Variants in GALNT14 observed in about 807,000 individuals in gnomAD.
GALNT14 encodes UDP-GalNAc:polypeptide N-acetylgalactosaminyltransferase 14.
Under a neutral mutation model 77.5 loss-of-function variants are expected in GALNT14, and 60 were observed. The observed-to-expected ratio is 0.77, with a 90% CI of 0.63 to 0.96. The LOEUF (loss-of-function observed/expected upper bound fraction) is 0.96. GALNT14 is among the 40% of genes least tolerant of loss of function. The pLI is 0.00. For missense variants in GALNT14, 710 were observed against 731.0 expected (o/e 0.97, Z 0.33); for synonymous variants, 280 against 281.7 (o/e 0.99, Z 0.06).
chr2:30,988,476 G>C (rs906731061), intron 2 of GALNT14, among the ~76,000 whole-genome samples: 6 of 152,214 alleles, frequency 3.9e-5, no homozygotes, highest in African/African-American at 1.4e-4. Flanking sequence ...GAAGAACTGG[G>C]AAAGGAGGGA....
chr2:31,038,883 C>A (rs1450788662), intron 1 of GALNT14, among the ~76,000 whole-genome samples: 1 of 151,870 alleles, frequency 6.6e-6, no homozygotes, highest in Non-Finnish European at 1.5e-5. Flanking sequence ...GTGACTGGGA[C>A]TACAGATGTG....
chr2:30,945,957 C>T, intron 6 of GALNT14, 87 bp from the exon 7 acceptor site: 3 of 1,077,866 alleles, frequency 2.8e-6, no homozygotes, highest in East Asian at 2.4e-5. Flanking sequence ...GAGGGTAGGG[C>T]CAGAGATGAG....
chr2:31,081,115 T>G (rs1382957734), intron 1 of GALNT14, among the ~76,000 whole-genome samples: 1 of 152,198 alleles, frequency 6.6e-6, no homozygotes, highest in African/African-American at 2.4e-5. Context: ...TCAAATGCAT[T>G]GTTGCTGTGA....
At chr2:31,037,260 G>A (rs1418074412) in intron 1 of GALNT14, among the ~76,000 whole-genome samples, 3 of 152,136 alleles carry the variant, frequency 2.0e-5, no homozygotes, top group African/African-American at 7.2e-5. Flanking sequence ...TAAATCTGCT[G>A]TTGAGTCCCT....
intron 1 of GALNT14, among the ~76,000 whole-genome samples, chr2:31,106,678 T>G (rs955647616): frequency 6.6e-6 from 1 of 152,244 alleles, no homozygotes; most frequent in Non-Finnish European, 1.5e-5. Context: ...CACTGTGAAA[T>G]ACTTGATTAG....
chr2:31,088,519 A>G (rs1310905452), intron 1 of GALNT14, among the ~76,000 whole-genome samples: 1 of 152,090 alleles, frequency 6.6e-6, no homozygotes, highest in Non-Finnish European at 1.5e-5. Context: ...AAGGAGAATG[A>G]GCGATGTGTG....
intron 1 of GALNT14, among the ~76,000 whole-genome samples, chr2:31,093,351 G>T (rs1294066900): frequency 6.6e-6 from 1 of 152,166 alleles, no homozygotes; most frequent in Non-Finnish European, 1.5e-5. Context: ...GTCTCATTTT[G>T]CAGAAGCTAG....
chr2:30,932,318 T>C (rs1311845422), intron 9 of GALNT14, 124 bp from the exon 10 acceptor site: 3 of 881,460 alleles, frequency 3.4e-6, no homozygotes, highest in South Asian at 3.1e-5. Flanking sequence ...AGCCAGTCTG[T>C]AGGCTCCACT....
chr2:30,979,167 A>G (rs1668829708), intron 2 of GALNT14, among the ~76,000 whole-genome samples: 1 of 152,224 alleles, frequency 6.6e-6, no homozygotes, highest in Non-Finnish European at 1.5e-5. Context: ...AGAAAGCCAG[A>G]GTCAATGAGG....
chr2:30,905,530 G>A (rs551973143), downstream of GALNT14, among the ~76,000 whole-genome samples: 1 of 152,172 alleles, frequency 6.6e-6, no homozygotes, highest in East Asian at 1.9e-4. Flanking sequence ...AAAAAGAAAT[G>A]AGCAAAGCCT....
At chr2:30,929,005 C>A (rs1474420338) in intron 11 of GALNT14, among the ~76,000 whole-genome samples, 1 of 152,216 alleles carries the variant, frequency 6.6e-6, no homozygotes, top group Non-Finnish European at 1.5e-5. Context: ...TATACACATG[C>A]TGTTCCTCCA....
At chr2:30,938,156 CCT>C (rs944424309) in intron 9 of GALNT14, among the ~76,000 whole-genome samples, 5 of 151,752 alleles carry the variant, frequency 3.3e-5, no homozygotes, top group African/African-American at 7.3e-5. Flanking sequence ...CCCCAACTCA[CCT>C]CTCTCTTCTC....
intron 1 of GALNT14, chr2:31,132,758 C>T (rs945868927): frequency 4.2e-6 from 2 of 470,964 alleles, no homozygotes; most frequent in African/African-American, 4.0e-5. Flanking sequence ...AAACCCCCAT[C>T]TTGCCTGGGG....
intron 3 of GALNT14, among the ~76,000 whole-genome samples, chr2:30,962,942 CATGGA>C (rs1667781768): frequency 6.6e-6 from 1 of 152,182 alleles, no homozygotes; most frequent in Non-Finnish European, 1.5e-5. Flanking sequence ...AATCTTAAGG[CATGGA>C]AGTTTCTAGA....
chr2:31,063,356 CAT>C, intron 1 of GALNT14, among the ~76,000 whole-genome samples: 1 of 152,078 alleles, frequency 6.6e-6, no homozygotes, highest in Non-Finnish European at 1.5e-5. Flanking sequence ...GTTTGTCAAA[CAT>C]CAGATGGTTG....
chr2:31,058,303 C>T (rs1417419505), intron 1 of GALNT14, among the ~76,000 whole-genome samples: 3 of 152,038 alleles, frequency 2.0e-5, no homozygotes, highest in Non-Finnish European at 4.4e-5. Flanking sequence ...CACCTCCCAG[C>T]GGGCTGGGCT....
chr2:30,961,881 C>T (rs373332042), intron 3 of GALNT14, among the ~76,000 whole-genome samples: 7 of 152,068 alleles, frequency 4.6e-5, no homozygotes, highest in East Asian at 1.9e-4. Flanking sequence ...TTAGTAGAGA[C>T]GGGGTTTCAC....
At chr2:30,972,812 G>C (rs1668439389) in intron 2 of GALNT14, among the ~76,000 whole-genome samples, 1 of 152,204 alleles carries the variant, frequency 6.6e-6, no homozygotes, top group South Asian at 2.1e-4. Context: ...AGGAGGGAGG[G>C]ACTGGCTGCT....
At chr2:31,016,024 G>T (rs539463566) in intron 1 of GALNT14, among the ~76,000 whole-genome samples, 1 of 152,268 alleles carries the variant, frequency 6.6e-6, no homozygotes, top group South Asian at 2.1e-4. Context: ...CAGCAGCAGG[G>T]CCTAGAGTTT....
Sources: allele counts gnomAD v4.1 joint callset (sites outside exome capture counted in the v4.1 genomes callset), GRCh38; gene constraint gnomAD v4.1.1; transcripts MANE v1.5; gene names NCBI Gene and HGNC (gene_info 2026-07-23, HGNC 2026-07-21).